Variants in FRMPD4 observed in about 807,000 individuals in gnomAD.
FRMPD4 encodes FERM and PDZ domain-containing protein 4.
In FRMPD4, 22 loss-of-function variants were observed where a neutral mutation model predicts 94.1. The observed-to-expected ratio is 0.23, with a 90% CI of 0.17 to 0.33. The LOEUF (loss-of-function observed/expected upper bound fraction) is 0.33. Ranked by LOEUF, FRMPD4 falls within the 10% of genes least tolerant of loss-of-function variation. The pLI is 1.00. For synonymous variants in FRMPD4, 631 were observed against 548.6 expected (o/e 1.15, Z -2.10); for missense variants, 1,111 against 1,339.9 (o/e 0.83, Z 2.67).
At chrX:12,208,660 A>G (rs1467562747) in intron 1 of FRMPD4, among the ~76,000 whole-genome samples, 1 of 112,137 alleles carries the variant, frequency 8.9e-6, no homozygotes, top group Non-Finnish European at 1.9e-5. Context: ...TAAATCATAT[A>G]AAAATAGGCA....
chrX:12,457,432 C>T lies in FRMPD4; in HGVS notation c.42-41248C>T, dbSNP rs140082719. 5.3e-3 allele frequency among the ~76,000 whole-genome samples: 594 copies of T among 111,703 alleles called. 7 individuals are homozygous for T. Among genetic ancestry groups the T allele is most frequent in the African/African-American group, 0.018 (543 of 30,803 alleles). The stretch of plus-strand genomic sequence containing the variant: ...AAGAGTGCTCTGTTCAGAAATCCTA[C>T]GTTGCATTTATTATCTGCCAGGCAC... On this transcript the variant is annotated intron_variant, in intron 1 of 16. Transcript: ENST00000675598.
chrX:11,831,653 G>A (rs2053475770), intron 1 of FRMPD4, among the ~76,000 whole-genome samples: 1 of 111,166 alleles, frequency 9.0e-6, no homozygotes, highest in Non-Finnish European at 1.9e-5. Flanking sequence ...ACAAGGGTAG[G>A]GATCGGGCTT....
chrX:12,039,255 T>C (rs1601897986), intron 3 of FRMPD4, among the ~76,000 whole-genome samples: 2 of 110,004 alleles, frequency 1.8e-5, no homozygotes, highest in Middle Eastern at 9.2e-3. Context: ...TCAAGCAATC[T>C]TTCCACCTCA....
chrX:12,690,622 G>T (rs1463789674), intron 8 of FRMPD4, among the ~76,000 whole-genome samples: 1 of 112,158 alleles, frequency 8.9e-6, no homozygotes, highest in African/African-American at 3.2e-5. Context: ...ACAGTGATCT[G>T]TTCACCTGTT....
chrX:12,097,808 A>C (rs2055219739), intron 3 of FRMPD4, among the ~76,000 whole-genome samples: 1 of 112,424 alleles, frequency 8.9e-6, no homozygotes, highest in Admixed American at 9.4e-5. Context: ...ACAACTTTTT[A>C]AATCTATTCA....
Position 12,490,331 on chromosome X carries a change from G to A in FRMPD4, c.42-8349G>A, listed in dbSNP as rs143444465. 2.4e-3 allele frequency among the ~76,000 whole-genome samples: 262 copies of A among 110,570 alleles called. 1 individual carries two copies. The highest frequency in any genetic ancestry group is 8.2e-3 in the African/African-American group (250 of 30,410). ...CACCTCCCAATACCACTGCATTGGG[G>A]ATCAAATTTCCAACATGTGAACTTT... On this transcript the variant is annotated intron_variant, in intron 1 of 16. Transcript: ENST00000675598.
At chrX:11,845,931 T>A (rs1321009644) in intron 1 of FRMPD4, among the ~76,000 whole-genome samples, 2 of 106,295 alleles carry the variant, frequency 1.9e-5, no homozygotes, top group African/African-American at 3.4e-5. Flanking sequence ...TCATACTGAA[T>A]GGGCAAAAAC....
intron 3 of FRMPD4, among the ~76,000 whole-genome samples, chrX:12,093,906 A>G (rs769767261): frequency 1.8e-5 from 2 of 111,296 alleles, no homozygotes; most frequent in Non-Finnish European, 3.8e-5. Context: ...CTTGCATGAA[A>G]AAAAAAAAGA....
intron 5 of FRMPD4, among the ~76,000 whole-genome samples, chrX:12,681,696 TACAC>T (rs35651585): frequency 6.7e-5 from 7 of 104,031 alleles, no homozygotes; most frequent in Middle Eastern, 4.9e-3. Flanking sequence ...CCATCCAGGA[TACAC>T]ACACACACAC....
At chrX:12,661,273 T>A (rs2059710651) in intron 4 of FRMPD4, among the ~76,000 whole-genome samples, 1 of 112,502 alleles carries the variant, frequency 8.9e-6, no homozygotes, top group Non-Finnish European at 1.9e-5. Flanking sequence ...AATACAATTA[T>A]CCAGTTTTTA....
At chrX:11,976,117 ACT>A in intron 3 of FRMPD4, among the ~76,000 whole-genome samples, 1 of 111,092 alleles carries the variant, frequency 9.0e-6, no homozygotes, top group African/African-American at 3.3e-5. Context: ...GCTCTTGAAC[ACT>A]CTGTCTCTGA....
chrX:12,263,435 ATACAGGACCTTGTCAG>A (rs2054224773), intron 1 of FRMPD4, among the ~76,000 whole-genome samples: 1 of 111,973 alleles, frequency 8.9e-6, no homozygotes, highest in African/African-American at 3.2e-5. Context: ...GACATCAGAT[ATACAGGACCTTGTCAG>A]GCATTTTGAG....
At chrX:12,046,268 G>A (rs764600718) in intron 3 of FRMPD4, among the ~76,000 whole-genome samples, 14 of 111,079 alleles carry the variant, frequency 1.3e-4, no homozygotes, top group Admixed American at 2.9e-4. Context: ...AATAAAGTTC[G>A]AAATCAGTAA....
intron 3 of FRMPD4, among the ~76,000 whole-genome samples, chrX:12,053,444 A>G (rs981926870): frequency 9.6e-6 from 1 of 104,566 alleles, no homozygotes; most frequent in African/African-American, 3.5e-5. Flanking sequence ...AAGAAAGAAG[A>G]GAAGAGAAGA....
At chrX:12,446,228 ACAAT>A (rs1168178413) in intron 1 of FRMPD4, among the ~76,000 whole-genome samples, 1 of 112,504 alleles carries the variant, frequency 8.9e-6, no homozygotes, top group Admixed American at 9.4e-5. Context: ...TATTTATAAA[ACAAT>A]CAATAATGAA....
At chrX:12,710,349 G>A (rs778740812) in intron 13 of FRMPD4, 50 bp from the exon 14 acceptor site, 77 of 1,047,507 alleles carry the variant, frequency 7.4e-5, no homozygotes, top group Non-Finnish European at 9.9e-5. Context: ...ACACTCCAGG[G>A]ATGTTATTAA....
chrX:12,343,028 A>G (rs1339366253), intron 1 of FRMPD4, among the ~76,000 whole-genome samples: 3 of 112,072 alleles, frequency 2.7e-5, no homozygotes, highest in Admixed American at 1.9e-4. Context: ...GAATGATGTG[A>G]TCAGAGTTCA....
intron 2 of FRMPD4, among the ~76,000 whole-genome samples, chrX:11,870,353 CT>C (rs1250552799): frequency 1.8e-5 from 2 of 111,946 alleles, no homozygotes; most frequent in African/African-American, 6.5e-5. Flanking sequence ...TGAGCCCAGC[CT>C]GGCAACGCCT....
intron 4 of FRMPD4, among the ~76,000 whole-genome samples, chrX:12,659,379 A>G (rs892743374): frequency 8.9e-6 from 1 of 112,684 alleles, no homozygotes; most frequent in Non-Finnish European, 1.9e-5. Flanking sequence ...TTTAGACGGT[A>G]AGCTCTGCCA....
Sources: allele counts gnomAD v4.1 joint callset (sites outside exome capture counted in the v4.1 genomes callset), GRCh38; gene constraint gnomAD v4.1.1; transcripts MANE v1.5; gene names NCBI Gene and HGNC (gene_info 2026-07-23, HGNC 2026-07-21).